GRM7: variants seen among roughly 807,000 people sequenced by gnomAD.
GRM7 encodes the protein glutamate metabotropic receptor 7.
In GRM7, 35 loss-of-function variants were observed where a neutral mutation model predicts 84.5. That is an observed-to-expected ratio of 0.41 (90% CI 0.32 to 0.55). GRM7 has a LOEUF of 0.55. GRM7 is among the 20% of genes least tolerant of loss of function. The pLI is 0.19. For missense variants in GRM7, 1,003 were observed against 1,194.6 expected (o/e 0.84, Z 2.36); for synonymous variants, 487 against 455.1 (o/e 1.07, Z -0.89).
chr3:7,649,171 G>A lies in GRM7; in HGVS notation c.2452-30878G>A, dbSNP rs770664218. On this transcript the variant is annotated intron_variant, in intron 8 of 9. Transcript: ENST00000357716. ...TGCTAGCTCCGCCTCCCGGGTTCAC[G>A]CCATTCTCCTGCCTCAGCCTCCCGA... 2.0e-3 allele frequency among the ~76,000 whole-genome samples: 303 copies of A among 151,926 alleles called. 2 individuals carry two copies. Among genetic ancestry groups the A allele is most frequent in the Non-Finnish European group, 2.9e-3 (200 of 67,980 alleles).
intron 7 of GRM7, among the ~76,000 whole-genome samples, chr3:7,479,233 C>G (rs1028523446): frequency 1.3e-5 from 2 of 151,976 alleles, no homozygotes; most frequent in Non-Finnish European, 2.9e-5. Context: ...GCATCTAGAG[C>G]TACATCTCAC....
chr3:7,669,671 TGA>T (rs1559476851), intron 8 of GRM7, among the ~76,000 whole-genome samples: 1 of 151,782 alleles, frequency 6.6e-6, no homozygotes. Context: ...CCCTAAAGAG[TGA>T]GTGGTCAGGA....
At chr3:7,448,934 G>A (rs11924767) in intron 5 of GRM7, among the ~76,000 whole-genome samples, 54,889 of 151,510 alleles carry the variant, frequency 0.36, 11,170 homozygotes, top group Non-Finnish European at 0.48. Flanking sequence ...TATAATGGTC[G>A]AAATGCCTCC....
intron 2 of GRM7, among the ~76,000 whole-genome samples, chr3:7,185,482 C>T (rs1184952036): frequency 6.6e-6 from 1 of 152,114 alleles, no homozygotes; most frequent in Non-Finnish European, 1.5e-5. Context: ...TTCAGATGGA[C>T]CCCACTATGT....
At chr3:7,701,414 C>T (rs1044192708) in intron 9 of GRM7, among the ~76,000 whole-genome samples, 1 of 151,394 alleles carries the variant, frequency 6.6e-6, no homozygotes. Context: ...CATTCTCCTG[C>T]CTCAGCCTCC....
chr3:6,894,357 C>T (rs1696089780), intron 1 of GRM7, among the ~76,000 whole-genome samples: 1 of 152,008 alleles, frequency 6.6e-6, no homozygotes, highest in African/African-American at 2.4e-5. Context: ...TTTATATTAT[C>T]AAATGTACTG....
At chr3:7,424,670 C>A (rs1403061396) in intron 5 of GRM7, among the ~76,000 whole-genome samples, 2 of 152,172 alleles carry the variant, frequency 1.3e-5, no homozygotes. Context: ...AATTACTCAA[C>A]AAGTGAATGA....
intron 7 of GRM7, among the ~76,000 whole-genome samples, chr3:7,487,882 GAGA>G (rs1699381770): frequency 1.3e-5 from 2 of 152,156 alleles, no homozygotes; most frequent in African/African-American, 4.8e-5. Context: ...ATGCTAGTCT[GAGA>G]AAACCACAGG....
chr3:7,357,768 C>A (rs1463104263), intron 4 of GRM7, among the ~76,000 whole-genome samples: 1 of 152,080 alleles, frequency 6.6e-6, no homozygotes, highest in Non-Finnish European at 1.5e-5. Flanking sequence ...CTTTTGCATT[C>A]TCTATTTCCA....
intron 1 of GRM7, among the ~76,000 whole-genome samples, chr3:7,061,715 A>T (rs936666483): frequency 6.6e-6 from 1 of 151,772 alleles, no homozygotes; most frequent in East Asian, 1.9e-4. Flanking sequence ...GAGTAAGAAC[A>T]GAAGCTTACA....
At chr3:6,903,327 A>G (rs964458058) in intron 1 of GRM7, among the ~76,000 whole-genome samples, 39 of 151,028 alleles carry the variant, frequency 2.6e-4, no homozygotes, top group African/African-American at 9.3e-4. Context: ...TCTAATATTT[A>G]TTTGTATGGA....
chr3:7,178,906 C>G (rs1473732715), intron 2 of GRM7, among the ~76,000 whole-genome samples: 1 of 151,080 alleles, frequency 6.6e-6, no homozygotes, highest in African/African-American at 2.4e-5. Flanking sequence ...CATGGTGAAA[C>G]CCCATCTCTA....
At chr3:7,619,049 A>G (rs546141876) in intron 8 of GRM7, among the ~76,000 whole-genome samples, 1 of 152,284 alleles carries the variant, frequency 6.6e-6, no homozygotes, top group East Asian at 1.9e-4. Context: ...GCTAGAGAGG[A>G]CAAGGATAGA....
intron 9 of GRM7, among the ~76,000 whole-genome samples, chr3:7,683,298 T>C (rs1700452226): frequency 6.6e-6 from 1 of 152,194 alleles, no homozygotes; most frequent in African/African-American, 2.4e-5. Flanking sequence ...ATGATTTCAT[T>C]TGGTATCTCT....
At chr3:7,274,195 G>T (rs914135451) in intron 2 of GRM7, among the ~76,000 whole-genome samples, 1 of 151,784 alleles carries the variant, frequency 6.6e-6, no homozygotes, top group Non-Finnish European at 1.5e-5. Flanking sequence ...CTAGTCCCTT[G>T]TATCATTGTT....
At chr3:7,415,264 A>G in intron 5 of GRM7, 101 bp downstream of exon 5, 1 of 989,612 alleles carries the variant, frequency 1.0e-6, no homozygotes, top group Middle Eastern at 2.2e-4. Context: ...ACAAATTGAA[A>G]AAGTAAATTA....
chr3:7,662,623 G>A (rs542631981), intron 8 of GRM7, among the ~76,000 whole-genome samples: 28 of 152,292 alleles, frequency 1.8e-4, no homozygotes, highest in African/African-American at 6.5e-4. Context: ...ATGCACAAGT[G>A]TCTATTTCTT....
At chr3:7,023,867 T>C (rs1695872892) in intron 1 of GRM7, among the ~76,000 whole-genome samples, 1 of 152,178 alleles carries the variant, frequency 6.6e-6, no homozygotes, top group Non-Finnish European at 1.5e-5. Flanking sequence ...TTACATAAGT[T>C]CATCAGGAGA....
At chr3:7,737,996 C>T (rs982530914) in intron 9 of GRM7, among the ~76,000 whole-genome samples, 3 of 151,962 alleles carry the variant, frequency 2.0e-5, no homozygotes, top group East Asian at 3.9e-4. Context: ...TACAGGCGCC[C>T]GCCACCACGC....
Sources: allele counts gnomAD v4.1 joint callset (sites outside exome capture counted in the v4.1 genomes callset), GRCh38; gene constraint gnomAD v4.1.1; transcripts MANE v1.5; gene names NCBI Gene and HGNC (gene_info 2026-07-23, HGNC 2026-07-21).